Variants in GEN1 observed in about 807,000 individuals in gnomAD.
GEN1 encodes the protein GEN1 structure-specific endonuclease, also known as flap endonuclease GEN homolog 1.
In GEN1, 64 loss-of-function variants were observed where a neutral mutation model predicts 67.6. The ratio of observed to expected loss-of-function variants is 0.95; its 90% CI spans 0.77 to 1.17. The LOEUF is 1.17. Ranked by LOEUF, GEN1 falls within the 50% of genes most tolerant of loss-of-function variation. GEN1 has a pLI of 0.00. For synonymous variants in GEN1, 371 were observed against 359.4 expected (o/e 1.03, Z -0.37); for missense variants, 1,058 against 1,048.3 (o/e 1.01, Z -0.13).
chr2:17,765,147 G>A lies in GEN1; in HGVS notation c.525+74G>A. ...TTTAAAGGGCTGATTAAATGAAATA[G>A]TAGATATAAAATGCTTACTGTAATG... On this transcript the variant is annotated intron_variant, in intron 4 of 13. Transcript: ENST00000381254. 3 of 1,418,622 alleles carry A rather than the reference G, an allele frequency of 2.1e-6. No homozygotes were observed. In the South Asian group the frequency reaches 3.6e-5, roughly 17 times the overall value. The allele number at this position is 1,418,622 out of a possible 1,614,324, so 87.9% of individuals were successfully genotyped here.
chr2:17,766,050 A>G (rs561693835), intron 4 of GEN1, among the ~76,000 whole-genome samples: 5 of 152,118 alleles, frequency 3.3e-5, no homozygotes, highest in Non-Finnish European at 7.4e-5. Context: ...TGGCTAGCAT[A>G]GTTATTTTTA....
chr2:17,757,943 TG>T (rs1468401449), intron 1 of GEN1, among the ~76,000 whole-genome samples: 1 of 152,224 alleles, frequency 6.6e-6, no homozygotes, highest in Non-Finnish European at 1.5e-5. Flanking sequence ...TTTTGAAAAG[TG>T]GTTCTTGCCA....
At chr2:17,774,869 G>T (rs1672355066) in intron 11 of GEN1, among the ~76,000 whole-genome samples, 2 of 151,920 alleles carry the variant, frequency 1.3e-5, no homozygotes, top group South Asian at 4.2e-4. Context: ...GAATTTCTCT[G>T]TTCCTATCAG....
chr2:17,772,785 G>A lies in GEN1; in HGVS notation c.953+1G>A, dbSNP rs370143023. 1.2e-5 allele frequency: 19 copies of A among 1,602,214 alleles called. No individual in the cohort carries two copies. In the African/African-American group the frequency reaches 2.6e-4, roughly 22 times the overall value. ...GTGAAGTAGAGAACAATATTAAGAA[G>A]TAAGTTTTTTTAAAAACTCATGATT... On this transcript the variant is annotated splice_donor_variant, in intron 8 of 13. Transcript: ENST00000381254. LOFTEE classifies it high-confidence loss of function.
At position 17,781,010 on chromosome 2, in the gene GEN1, G is replaced by C. The variant is rs200602120; in HGVS notation, c.1798G>C (p.Ala600Pro). ...WEGTSFSNSP[A>P]IQRNTFSHDL... is the part of the protein sequence containing the mutation. ...AGGTACTTCTTTTAGTAATTCTCCA[G>C]CTATTCAAAGGAATACTTTTTCTCA... Residue 600 changes from alanine to proline, a missense_variant, in exon 14 of 14, where the codon GCT (alanine) becomes CCT (proline). Ala to Pro is a conservative substitution (Grantham distance 27). Transcript: ENST00000381254. The C allele has an allele frequency of 4.3e-6, 7 of 1,613,740 alleles. No homozygotes were observed. In the Admixed American group the frequency reaches 1.2e-4, roughly 27 times the overall value.
rs1672271165 is a variant in GEN1, at chr2:17,773,140, C to A, written c.990+8C>A. ...GGATTCCCATTCCATGAGGTAATATCCAGTAATTCAACTCTATTAATTTTA... is the reference window on the plus strand; with the variant it reads ...GGATTCCCATTCCATGAGGTAATATACAGTAATTCAACTCTATTAATTTTA... On this transcript the variant is annotated splice_region_variant and intron_variant, in intron 9 of 13. Coordinates refer to ENST00000381254, the MANE Select transcript of GEN1 (RefSeq NM_001130009.3). 2 of 1,577,482 alleles carry A rather than the reference C, an allele frequency of 1.3e-6. No homozygotes were observed. Among genetic ancestry groups the A allele is most frequent in the African/African-American group, 1.4e-5 (1 of 74,046 alleles).
intron 12 of GEN1, 73 bp downstream of exon 12, chr2:17,778,136 G>A: frequency 5.2e-6 from 3 of 580,748 alleles, no homozygotes; most frequent in South Asian, 1.6e-5. Flanking sequence ...TATTGTATAT[G>A]TGTATATATA....
At position 17,773,245 on chromosome 2, in the gene GEN1, G is replaced by T; in HGVS notation, c.1017G>T (p.Lys339Asn). The change falls in exon 10 of 14, where the codon AAG (lysine) becomes AAT (asparagine). Residue 339 changes from lysine to asparagine, a missense_variant. Coordinates refer to ENST00000381254, the MANE Select transcript of GEN1 (RefSeq NM_001130009.3). The stretch of plus-strand genomic sequence containing the variant: ...TTATTCAAGAATTCCTTTTAAACAA[G>T]GATAAATTGGTGAAGGTTATCAGGT... ...HEVIQEFLLN[K>N]DKLVKVIRYQ... The T allele has an allele frequency of 6.2e-7, 1 of 1,601,970 alleles. No homozygotes were observed.
chr2:17,773,075 T>C, intron 8 of GEN1, 21 bp from the exon 9 acceptor site: 4 of 1,480,068 alleles, frequency 2.7e-6, no homozygotes, highest in Non-Finnish European at 3.8e-6. Flanking sequence ...AGTAATAACA[T>C]GTATATAATT....
intron 11 of GEN1, among the ~76,000 whole-genome samples, chr2:17,775,970 G>A (rs1465322321): frequency 6.6e-6 from 1 of 151,982 alleles, no homozygotes; most frequent in Non-Finnish European, 1.5e-5. Flanking sequence ...CAAAAAATTA[G>A]CCAGGCGTGG....
Position 17,768,722 on chromosome 2 carries a change from T to C in GEN1, c.637-16T>C, listed in dbSNP as rs1360459810. On this transcript the variant is annotated splice_polypyrimidine_tract_variant and intron_variant, in intron 5 of 13. Transcript: ENST00000381254. ...TGATTAACATTGGAATTATTTTTTTTCCCACTTTCTGAAAGGGAGTCCCTG... is the reference window on the plus strand; with the variant it reads ...TGATTAACATTGGAATTATTTTTTTCCCCACTTTCTGAAAGGGAGTCCCTG... 2 of 1,587,826 alleles carry C rather than the reference T, an allele frequency of 1.3e-6. No individual in the cohort carries two copies. Among genetic ancestry groups the C allele is most frequent in the Non-Finnish European group, 1.7e-6 (2 of 1,158,524 alleles).
intron 3 of GEN1, among the ~76,000 whole-genome samples, chr2:17,763,949 G>A (rs1671802638): frequency 6.6e-6 from 1 of 152,186 alleles, no homozygotes; most frequent in Non-Finnish European, 1.5e-5. Context: ...TCAGTCTCTA[G>A]AAACTACAAG....
rs1672751877 is a variant in GEN1, at chr2:17,780,056, C to T, written c.1343C>T (p.Ala448Val). The T allele has an allele frequency of 1.2e-6, 2 of 1,609,296 alleles. No individual in the cohort carries two copies. Among genetic ancestry groups the T allele is most frequent in the Non-Finnish European group, 1.7e-6 (2 of 1,175,894 alleles). Residue 448 changes from alanine (A) to valine (V), a missense_variant, in exon 13 of 14, where the codon GCA (alanine) becomes GTA (valine). Ala to Val is a moderately conservative substitution (Grantham distance 64). Coordinates refer to ENST00000381254, the MANE Select transcript of GEN1 (RefSeq NM_001130009.3). ...TIEEESLFEA[A>V]YPEIVAVYQK... ...GAGGAAGAATCATTGTTTGAAGCAG[C>T]ATATCCTGAGATCGTTGCTGTTTAC...
chr2:17,763,744 G>C (rs1671789235), intron 3 of GEN1, among the ~76,000 whole-genome samples: 1 of 152,314 alleles, frequency 6.6e-6, no homozygotes, highest in South Asian at 2.1e-4. Context: ...TTTACCTAGG[G>C]GTAAGGTCGA....
At chr2:17,772,521 A>T in intron 7 of GEN1, 113 bp from the exon 8 acceptor site, 1 of 725,302 alleles carries the variant, frequency 1.4e-6, no homozygotes, top group Non-Finnish European at 2.2e-6. Context: ...TATGCTAGGT[A>T]GTGTGCTAGG....
intron 5 of GEN1, 111 bp from the exon 6 acceptor site, chr2:17,768,626 AT>A (rs1461423186): frequency 5.1e-5 from 37 of 732,326 alleles, no homozygotes; most frequent in Non-Finnish European, 8.6e-5. Context: ...TCCTATCTTT[AT>A]TGAAGAGTTA....
rs911470549 is a variant in GEN1, at chr2:17,768,817, T to C, written c.710+6T>C. The C allele has an allele frequency of 3.3e-6, 5 of 1,525,862 alleles. No homozygotes were observed. The highest frequency in any genetic ancestry group is 4.5e-6 in the Non-Finnish European group (5 of 1,101,248). 94.5% of individuals were successfully genotyped at this position (1,525,862 alleles called of 1,614,324 possible). A position where few individuals can be genotyped will look rare whatever the true frequency, so the allele number is the denominator to read the frequency against. On this transcript the variant is annotated splice_donor_region_variant and intron_variant, in intron 6 of 13. Coordinates refer to ENST00000381254, the MANE Select transcript of GEN1 (RefSeq NM_001130009.3). ...GGGCAAAGTTTACTTCAGAGGTAACTAATAATTACTTTCTCTTGTGACATT... is the reference window on the plus strand; with the variant it reads ...GGGCAAAGTTTACTTCAGAGGTAACCAATAATTACTTTCTCTTGTGACATT...
chr2:17,781,315 TA>T lies in GEN1; in HGVS notation c.2104del (p.Ser702ValfsTer2). 6.2e-7 allele frequency: 1 copy of T among 1,613,724 alleles called. No homozygotes were observed. The highest frequency in any genetic ancestry group is 2.2e-5 in the East Asian group (1 of 44,864). On this transcript the variant is annotated frameshift_variant, in exon 14 of 14. Coordinates refer to ENST00000381254, the MANE Select transcript of GEN1 (RefSeq NM_001130009.3). LOFTEE classifies it low-confidence loss of function (END_TRUNC). ...TCAACCTGAAAACTTTGTCCATACT[TA>T]GTGTAAAAGAATCTTGTATTGCTAA... is the stretch of plus-strand genomic sequence containing the variant. ...DVNLKTLSIL[S>X]VKESCIANSG...
chr2:17,765,656 G>A (rs1475841955), intron 4 of GEN1, among the ~76,000 whole-genome samples: 1 of 152,104 alleles, frequency 6.6e-6, no homozygotes, highest in Non-Finnish European at 1.5e-5. Context: ...TATCCCTCCC[G>A]AAATGCTAAT....
Sources: allele counts gnomAD v4.1 joint callset (sites outside exome capture counted in the v4.1 genomes callset), GRCh38; gene constraint gnomAD v4.1.1; transcripts MANE v1.5; gene names NCBI Gene and HGNC (gene_info 2026-07-23, HGNC 2026-07-21).